ZNF671: variants seen among roughly 807,000 people sequenced by gnomAD.
The protein encoded by ZNF671 is hypothetical protein FLJ23506.
In ZNF671, 19 loss-of-function variants were observed where a neutral mutation model predicts 16.6. The ratio of observed to expected loss-of-function variants is 1.14; its 90% CI spans 0.80 to 1.68. The LOEUF (loss-of-function observed/expected upper bound fraction) is 1.68. Ranked by LOEUF, ZNF671 falls within the 40% of genes most tolerant of loss-of-function variation. ZNF671 has a pLI of 0.00. For synonymous variants in ZNF671, 238 were observed against 236.3 expected, an observed-to-expected ratio of 1.01 and a Z score of -0.06; for missense variants, 637 against 659.8, an observed-to-expected ratio of 0.97 and a Z score of 0.38.
intron 1 of ZNF671, 58 bp downstream of exon 1, chr19:57,727,333 C>T: frequency 2.6e-6 from 4 of 1,541,198 alleles, no homozygotes; most frequent in Non-Finnish European, 3.5e-6. Flanking sequence ...GCTGCAGGCA[C>T]TTTACGATTC....
At chr19:57,723,826 C>A (rs1017210192) in intron 1 of ZNF671, among the ~76,000 whole-genome samples, 2 of 144,032 alleles carry the variant, frequency 1.4e-5, no homozygotes, top group African/African-American at 5.2e-5. Context: ...GTCAAGAGAG[C>A]GAGACTATCC....
intron 3 of ZNF671, chr19:57,721,969 A>G: frequency 1.8e-6 from 1 of 565,240 alleles, no homozygotes; most frequent in Non-Finnish European, 3.1e-6. Context: ...CGTGAGTGCT[A>G]TGAAAAATGT....
At chr19:57,724,849 TCTAA>T (rs781769299) in intron 1 of ZNF671, among the ~76,000 whole-genome samples, 2 of 152,098 alleles carry the variant, frequency 1.3e-5, no homozygotes, top group African/African-American at 2.4e-5. Context: ...GACACAGATC[TCTAA>T]CTAACTTAAT....
Position 57,721,616 on chromosome 19 carries a change from A to G in ZNF671, c.470T>C (p.Leu157Pro). The stretch of plus-strand genomic sequence containing the variant: ...TGGGTGAGACTCCAGCTCTGCCATG[A>G]GAGTCCTGACCTCTGACACTCCTGC... The part of the protein sequence containing the change: ...FVAGVSEVRT[L>P]MAELESHPCD... The change falls in exon 4 of 4, where the codon CTC (leucine) becomes CCC (proline). Residue 157 changes from leucine (L) to proline (P), a missense_variant. Transcript: ENST00000317398. 6.2e-7 allele frequency: 1 copy of G among 1,614,218 alleles called. No individual in the cohort carries two copies. The highest frequency in any genetic ancestry group is 8.5e-7 in the Non-Finnish European group (1 of 1,180,034).
At chr19:57,727,349 C>G (rs1462782063) in intron 1 of ZNF671, 42 bp downstream of exon 1, 1 of 1,559,220 alleles carries the variant, frequency 6.4e-7, no homozygotes, top group South Asian at 1.2e-5. Context: ...GATTCGGAGT[C>G]GGAGAAAGGG....
At chr19:57,726,129 C>T (rs1280882318) in intron 1 of ZNF671, among the ~76,000 whole-genome samples, 3 of 136,746 alleles carry the variant, frequency 2.2e-5, no homozygotes, top group Non-Finnish European at 4.7e-5. Flanking sequence ...CCCCACCCCA[C>T]CCCTCCCACC....
intron 1 of ZNF671, among the ~76,000 whole-genome samples, chr19:57,726,012 C>T (rs1302143797): frequency 6.6e-6 from 1 of 152,122 alleles, no homozygotes; most frequent in Non-Finnish European, 1.5e-5. Context: ...CTTTGGAAGG[C>T]TGGGGCCGGT....
At chr19:57,721,933 C>CT (rs1985890278) in intron 3 of ZNF671, 1 of 612,134 alleles carries the variant, frequency 1.6e-6, no homozygotes, top group Admixed American at 3.1e-5. Flanking sequence ...AAATGGCTTC[C>CT]AGTAGGGCCT....
intron 1 of ZNF671, among the ~76,000 whole-genome samples, chr19:57,725,216 C>T (rs1042649378): frequency 1.3e-5 from 2 of 151,846 alleles, no homozygotes; most frequent in Non-Finnish European, 2.9e-5. Flanking sequence ...GTAATCCCAG[C>T]ACTTTGGGAG....
chr19:57,727,363 C>G (rs1357432839), intron 1 of ZNF671, 28 bp downstream of exon 1: 22 of 1,578,250 alleles, frequency 1.4e-5, no homozygotes, highest in Non-Finnish European at 1.9e-5. Flanking sequence ...GAAAGGGTGA[C>G]TGAGGGCCCG....
At position 57,727,403 on chromosome 19, in the gene ZNF671, C is replaced by T. The variant is rs749283956; in HGVS notation, c.126G>A (p.Thr42=). The change falls in exon 1 of 4, where the codon ACG becomes ACA. Residue 42 remains threonine (T), a synonymous_variant. Coordinates refer to ENST00000317398, the MANE Select transcript of ZNF671 (RefSeq NM_024833.3). ...VRAHGPMAEL[T]DSARGCVVFE... is the part of the protein sequence containing the mutation. ...ACGCAGCACCCACCCGCGCGGAGTCCGTTAGCTCCGCCATAGGACCGTGGG... is the reference window on the plus strand; with the variant it reads ...ACGCAGCACCCACCCGCGCGGAGTCTGTTAGCTCCGCCATAGGACCGTGGG... The T allele has an allele frequency of 1.2e-5, 19 of 1,605,548 alleles. No individual in the cohort carries two copies. The East Asian group carries it at 4.3e-4, about 36-fold the overall frequency.
At chr19:57,726,024 G>A (rs1334531943) in intron 1 of ZNF671, among the ~76,000 whole-genome samples, 1 of 152,152 alleles carries the variant, frequency 6.6e-6, no homozygotes, top group East Asian at 1.9e-4. Flanking sequence ...GGGGCCGGTG[G>A]ATCAGTTGAG....
intron 1 of ZNF671, among the ~76,000 whole-genome samples, chr19:57,726,707 T>C (rs1176144328): frequency 6.6e-6 from 1 of 152,208 alleles, no homozygotes; most frequent in Admixed American, 6.5e-5. Context: ...CCTTCCTCTC[T>C]AGTTGCCTAA....
rs1196455479 is a variant in ZNF671, at chr19:57,721,669, C to T, written c.417G>A (p.Glu139=). 4 of 1,613,690 alleles carry T rather than the reference C, an allele frequency of 2.5e-6. No individual in the cohort carries two copies. Among genetic ancestry groups the T allele is most frequent in the Non-Finnish European group, 3.4e-6 (4 of 1,179,638 alleles). ...PGCWHGVEDE[E]VSSEQSIFVA... is the part of the protein sequence containing the mutation. ...CAAAAATGCTCTGCTCAGAAGATACCTCTTCATCCTCCACTCCATGCCAAC... is the reference window on the plus strand; with the variant it reads ...CAAAAATGCTCTGCTCAGAAGATACTTCTTCATCCTCCACTCCATGCCAAC... The change falls in exon 4 of 4, where the codon GAG becomes GAA. Residue 139 remains glutamate, a synonymous_variant. Coordinates refer to ENST00000317398, the MANE Select transcript of ZNF671 (RefSeq NM_024833.3).
At chr19:57,724,475 G>A (rs1168068558) in intron 1 of ZNF671, among the ~76,000 whole-genome samples, 1 of 152,088 alleles carries the variant, frequency 6.6e-6, no homozygotes, top group Non-Finnish European at 1.5e-5. Flanking sequence ...TTAAAGAGAG[G>A]GAGAAGGATG....
intron 1 of ZNF671, among the ~76,000 whole-genome samples, chr19:57,724,677 C>A (rs1242762205): frequency 6.6e-6 from 1 of 152,150 alleles, no homozygotes; most frequent in Non-Finnish European, 1.5e-5. Flanking sequence ...AGGCGCCCAC[C>A]ACCATGCCCG....
Position 57,723,343 on chromosome 19 carries a change from G to C in ZNF671, c.139-3C>G, listed in dbSNP as rs374204509. On this transcript the variant is annotated splice_polypyrimidine_tract_variant and splice_region_variant and intron_variant, in intron 1 of 3. Transcript: ENST00000317398. ...ACATCCTCAAAGACCACACAGCCCT[G>C]CAACAAAAGGGACAGGAAGGACCAT... 17 of 1,606,876 alleles carry C rather than the reference G, an allele frequency of 1.1e-5. No homozygotes were observed. The African/African-American group carries it at 1.1e-4, about 10-fold the overall frequency.
rs748118194 is a variant in ZNF671 at position 57,721,367 on chromosome 19, G to T, written c.719C>A (p.Thr240Asn). 13 of 1,613,554 alleles carry T rather than the reference G, an allele frequency of 8.1e-6. No individual in the cohort carries two copies. Among genetic ancestry groups the T allele is most frequent in the Middle Eastern group, 3.3e-4 (2 of 6,062 alleles). Residue 240 changes from threonine to asparagine, a missense_variant, in exon 4 of 4, where the codon ACC becomes AAC. Transcript: ENST00000317398. ...TCTCCTACCTTTCCCACATGTGAGG[G>T]TCTTCTCTGGCACATGGACTCTGCA... ...KSCRVHVPEK[T>N]LTCGKGRRDF...
Position 57,721,508 on chromosome 19 carries a change from A to G in ZNF671, c.578T>C (p.Leu193Ser), listed in dbSNP as rs1002004554. The stretch of plus-strand genomic sequence containing the variant: ...GAATTGCTTTCCACATGCCCCACAC[A>G]AGTATGGTTTCTGCCTGGCTTTTCC... The part of the protein sequence containing the change: ...HGGKARQKPY[L>S]CGACGKQFWF... Residue 193 changes from leucine (L) to serine (S), a missense_variant, in exon 4 of 4, where the codon TTG (leucine) becomes TCG (serine). Leu to Ser is a moderately radical substitution (Grantham distance 145). Transcript: ENST00000317398. The G allele has an allele frequency of 5.0e-6, 8 of 1,614,056 alleles. No homozygotes were observed. In the African/African-American group the frequency reaches 9.3e-5, roughly 19 times the overall value.
Sources: allele counts gnomAD v4.1 joint callset (sites outside exome capture counted in the v4.1 genomes callset), GRCh38; gene constraint gnomAD v4.1.1; transcripts MANE v1.5; gene names NCBI Gene and HGNC (gene_info 2026-07-23, HGNC 2026-07-21).